ANKRD36C: variants seen among roughly 807,000 people sequenced by gnomAD.
ANKRD36C encodes the protein ankyrin repeat domain 36C, also known as ankyrin repeat domain-containing protein 36C.
Under a neutral mutation model 276.4 loss-of-function variants are expected in ANKRD36C, and 61 were observed. That is an observed-to-expected ratio of 0.22 (90% CI 0.18 to 0.27). The LOEUF (loss-of-function observed/expected upper bound fraction) is 0.27. Ranked by LOEUF, ANKRD36C falls within the 10% of genes least tolerant of loss-of-function variation. The pLI, the probability that ANKRD36C is intolerant of heterozygous loss-of-function variation, is 1.00. For synonymous variants in ANKRD36C, 483 were observed against 680.1 expected (o/e 0.71, Z 4.51); for missense variants, 1,447 against 2,032.3 (o/e 0.71, Z 5.54).
intron 6 of ANKRD36C, among the ~76,000 whole-genome samples, chr2:95,968,259 C>T (rs1678632355): frequency 6.6e-6 from 1 of 152,134 alleles, no homozygotes. Flanking sequence ...TATTTGTAGG[C>T]AACTAATGAA....
At chr2:95,917,656 T>C (rs1400225439) in intron 36 of ANKRD36C, among the ~76,000 whole-genome samples, 199 bp downstream of exon 38, 1 of 151,566 alleles carries the variant, frequency 6.6e-6, no homozygotes, top group African/African-American at 2.4e-5. Flanking sequence ...TGTATAATCA[T>C]ACTGCAAAGA....
chr2:95,929,531 C>T (rs1677508248), intron 24 of ANKRD36C, among the ~76,000 whole-genome samples: 1 of 151,428 alleles, frequency 6.6e-6, no homozygotes, highest in Admixed American at 6.6e-5. Context: ...AAGATAAAAC[C>T]ATGTCAATAT....
intron 13 of ANKRD36C, among the ~76,000 whole-genome samples, chr2:95,954,429 G>C (rs76766249): frequency 1.4e-5 from 2 of 141,288 alleles, no homozygotes; most frequent in South Asian, 4.6e-4. Flanking sequence ...GAAAAGGCAC[G>C]GTCTCTTCTC....
intron 14 of ANKRD36C, among the ~76,000 whole-genome samples, chr2:95,951,652 C>T (rs1460386337): frequency 6.6e-6 from 1 of 152,292 alleles, no homozygotes; most frequent in East Asian, 1.9e-4. Context: ...TATACAAATA[C>T]TATGATATCC....
intron 6 of ANKRD36C, among the ~76,000 whole-genome samples, chr2:95,964,417 C>T (rs1050605540): frequency 2.0e-5 from 3 of 151,960 alleles, no homozygotes; most frequent in African/African-American, 7.2e-5. Context: ...TTGACATACA[C>T]TCTTTTTCGT....
At chr2:95,912,488 T>G (rs1160079581) in intron 40 of ANKRD36C, 53 bp from the exon 43 acceptor site, 1 of 1,602,200 alleles carries the variant, frequency 6.2e-7, no homozygotes, top group East Asian at 2.3e-5. Flanking sequence ...GATAAAGTTA[T>G]CCATACATTC....
chr2:95,894,836 A>C (rs866811553), intron 44 of ANKRD36C, among the ~76,000 whole-genome samples: 2 of 151,262 alleles, frequency 1.3e-5, no homozygotes, highest in African/African-American at 2.4e-5. Flanking sequence ...AATATTGTTT[A>C]TGGAAATGTT....
intron 14 of ANKRD36C, 72 bp downstream of exon 14, chr2:95,953,867 A>C (rs1678261229): frequency 3.6e-6 from 5 of 1,392,270 alleles, no homozygotes; most frequent in Non-Finnish European, 4.8e-6. Flanking sequence ...ACAACTGCTA[A>C]GTTTTAGAAG....
chr2:95,963,944 AAT>A lies in ANKRD36C; in HGVS notation c.800-1399_800-1398del, dbSNP rs1192310791. 1.8e-3 allele frequency among the ~76,000 whole-genome samples: 148 copies of A among 82,698 alleles called. 1 individual carries two copies. Among genetic ancestry groups the A allele is most frequent in the Middle Eastern group, 5.2e-3 (1 of 194 alleles). 54.3% of individuals were successfully genotyped at this position (82,698 alleles called of 152,430 possible). On this transcript the variant is annotated intron_variant, in intron 6 of 66. Transcript: ENST00000456556. ...AACCAACCAAATATATACATATATA[AAT>A]ATATATATATAAATATATATATATA...
intron 36 of ANKRD36C, among the ~76,000 whole-genome samples, chr2:95,916,752 C>T (rs1343010140): frequency 2.6e-5 from 4 of 151,614 alleles, no homozygotes; most frequent in Non-Finnish European, 5.9e-5. Flanking sequence ...TCTCTCACAC[C>T]CATGTGGTGT....
intron 44 of ANKRD36C, 77 bp from the exon 65 acceptor site, chr2:95,891,937 A>G: frequency 1.9e-6 from 3 of 1,543,128 alleles, no homozygotes; most frequent in Non-Finnish European, 2.6e-6. Flanking sequence ...CAGTGTTAGC[A>G]TCAACCTCTG....
chr2:95,856,106 C>A (rs1447158805), exon 63 of ANKRD36C: 1 of 1,607,378 alleles, frequency 6.2e-7, no homozygotes, highest in Non-Finnish European at 8.5e-7. Context: ...CTTTTTCCAG[C>A]CTGAGCCTGG....
intron 3 of ANKRD36C, among the ~76,000 whole-genome samples, chr2:95,985,045 G>T (rs183152605): frequency 2.0e-5 from 3 of 152,118 alleles, no homozygotes; most frequent in African/African-American, 7.2e-5. Context: ...AGAGAACCCC[G>T]CTTTTAATAA....
chr2:95,984,155 A>T (rs1359276468), intron 3 of ANKRD36C, among the ~76,000 whole-genome samples: 1 of 151,902 alleles, frequency 6.6e-6, no homozygotes, highest in Non-Finnish European at 1.5e-5. Flanking sequence ...ACATTTAAAT[A>T]AATATAAAAT....
intron 56 of ANKRD36C, among the ~76,000 whole-genome samples, chr2:95,881,577 C>T (rs1676077621): frequency 6.6e-6 from 1 of 151,994 alleles, no homozygotes; most frequent in Non-Finnish European, 1.5e-5. Flanking sequence ...TAAACTTCAA[C>T]TCATTTGAAT....
chr2:95,903,733 A>C (rs1676724845), intron 42 of ANKRD36C, among the ~76,000 whole-genome samples: 1 of 146,028 alleles, frequency 6.8e-6, no homozygotes, highest in South Asian at 2.2e-4. Context: ...TTCTTCATCC[A>C]GTCGTGGCAA....
rs768052312 is a variant in ANKRD36C at position 95,856,229 on chromosome 2, A to C, written c.4081-49T>G. ...TAACTAGTATCCAATAGGATAACAT[A>C]TTGTGATTGCTTCTGAAATTAAATA... is the stretch of plus-strand genomic sequence containing the variant. On this transcript the variant is annotated intron_variant, in intron 62 of 66. Transcript: ENST00000456556. 22 of 1,579,914 alleles carry C rather than the reference A, an allele frequency of 1.4e-5. No homozygotes were observed. The South Asian group carries it at 2.4e-4, about 17-fold the overall frequency.
chr2:95,870,661 C>T (rs1395857070), intron 59 of ANKRD36C, among the ~76,000 whole-genome samples: 5 of 152,218 alleles, frequency 3.3e-5, no homozygotes, highest in East Asian at 3.9e-4. Flanking sequence ...CAAAGCTGGA[C>T]GGAGAATGAC....
At chr2:95,865,133 TAC>T (rs1469059325) in intron 60 of ANKRD36C, among the ~76,000 whole-genome samples, 1 of 151,980 alleles carries the variant, frequency 6.6e-6, no homozygotes, top group Non-Finnish European at 1.5e-5. Flanking sequence ...AAAAATGAAA[TAC>T]AGATAAATCT....
Sources: allele counts gnomAD v4.1 joint callset (sites outside exome capture counted in the v4.1 genomes callset), GRCh38; gene constraint gnomAD v4.1.1; transcripts MANE v1.5; gene names NCBI Gene and HGNC (gene_info 2026-07-23, HGNC 2026-07-21).